The following RAD18 variants were observed in gnomAD, a reference collection of about 807,000 sequenced individuals.
RAD18 encodes the protein E3 ubiquitin-protein ligase RAD18.
RAD18 carries 47 observed loss-of-function variants against 60.4 expected under a neutral mutation model. That is an observed-to-expected ratio of 0.78 (90% confidence interval 0.62 to 0.99). RAD18 has a LOEUF of 0.99. RAD18 is among the 50% of genes least tolerant of loss of function. The pLI is 0.00. For missense variants in RAD18, 640 were observed against 593.3 expected, an observed-to-expected ratio of 1.08 and a Z score of -0.82; for synonymous variants, 225 against 195.5, an observed-to-expected ratio of 1.15 and a Z score of -1.26.
chr3:8,905,529 G>C (rs1190883525), intron 9 of RAD18, among the ~76,000 whole-genome samples: 4 of 152,174 alleles, frequency 2.6e-5, no homozygotes, highest in African/African-American at 4.8e-5. Flanking sequence ...AATGAGTTTG[G>C]AGTCAGTGTT....
chr3:8,912,499 T>G, intron 8 of RAD18, 127 bp from the exon 9 acceptor site: 1 of 613,208 alleles, frequency 1.6e-6, no homozygotes, highest in Non-Finnish European at 2.7e-6. Flanking sequence ...ATCTGTTTTA[T>G]ATAGACCTAG....
intron 7 of RAD18, 22 bp downstream of exon 7, chr3:8,935,849 A>G: frequency 6.6e-7 from 1 of 1,516,844 alleles, no homozygotes; most frequent in African/African-American, 1.4e-5. Context: ...AGTAAGCATA[A>G]CTCACTGTTT....
At chr3:8,921,755 C>T (rs748312482) in intron 7 of RAD18, among the ~76,000 whole-genome samples, 3 of 151,972 alleles carry the variant, frequency 2.0e-5, no homozygotes, top group Non-Finnish European at 2.9e-5. Context: ...ACCAGATGAA[C>T]ACCCAGATCT....
chr3:8,956,654 G>A (rs544817192), intron 2 of RAD18, among the ~76,000 whole-genome samples: 15 of 150,406 alleles, frequency 1.0e-4, no homozygotes, highest in African/African-American at 3.5e-4. Context: ...CAAAAACAAC[G>A]TTATTAGCTA....
chr3:8,924,291 C>A (rs75608485), intron 7 of RAD18, among the ~76,000 whole-genome samples: 120,725 of 144,986 alleles, frequency 0.83, 50,542 homozygotes, highest in South Asian at 0.9. Context: ...ACTTTAAACC[C>A]ACAAAGATCA....
intron 7 of RAD18, among the ~76,000 whole-genome samples, chr3:8,923,314 G>A (rs138031129): frequency 0.029 from 4,470 of 152,338 alleles, 91 homozygotes; most frequent in South Asian, 0.066. Flanking sequence ...AAGGGTATCA[G>A]TGATGGAAGA....
At chr3:8,883,002 T>C (rs1217743968) in intron 12 of RAD18, among the ~76,000 whole-genome samples, 1 of 152,188 alleles carries the variant, frequency 6.6e-6, no homozygotes, top group African/African-American at 2.4e-5. Flanking sequence ...ATTCCTTCAA[T>C]AGGCTTTAAG....
At chr3:8,903,985 G>C (rs1224897432) in intron 9 of RAD18, among the ~76,000 whole-genome samples, 14 of 152,160 alleles carry the variant, frequency 9.2e-5, no homozygotes, top group Non-Finnish European at 7.4e-5. Flanking sequence ...GCCATTCACT[G>C]CCTTTGAGCT....
At chr3:8,958,835 A>C in intron 2 of RAD18, 85 bp downstream of exon 2, 3 of 1,012,336 alleles carry the variant, frequency 3.0e-6, no homozygotes, top group African/African-American at 1.6e-5. Context: ...AAACATAAAT[A>C]TGTGCACATA....
chr3:8,920,881 G>A (rs6805465), intron 7 of RAD18, among the ~76,000 whole-genome samples: 11,795 of 152,114 alleles, frequency 0.078, 1,454 homozygotes, highest in African/African-American at 0.27. Flanking sequence ...ATCATGTACT[G>A]CAGGAAAAAA....
At chr3:8,918,272 G>A (rs1393490426) in intron 7 of RAD18, among the ~76,000 whole-genome samples, 1 of 140,920 alleles carries the variant, frequency 7.1e-6, no homozygotes, top group Non-Finnish European at 1.5e-5. Context: ...GAGCTGAGAT[G>A]GTGCCATTGC....
Position 8,881,557 on chromosome 3 carries a change from A to G in RAD18, c.1386-98T>C, listed in dbSNP as rs1360046390. 4.4e-6 allele frequency: 4 copies of G among 901,470 alleles called. No individual in the cohort carries two copies. The East Asian group carries it at 7.6e-5, about 17-fold the overall frequency. 55.8% of individuals were successfully genotyped at this position (901,470 alleles called of 1,614,324 possible). A position where few individuals can be genotyped will look rare whatever the true frequency, so the allele number is the denominator to read the frequency against. On this transcript the variant is annotated intron_variant, in intron 12 of 12. Coordinates refer to ENST00000264926, the MANE Select transcript of RAD18 (RefSeq NM_020165.4). ...TTTTCACACATATTATTTCATTAAA[A>G]CCTCGAAATAATCCTCTATTCTGTT...
At chr3:8,942,872 C>T (rs955931683) in intron 4 of RAD18, among the ~76,000 whole-genome samples, 1 of 152,150 alleles carries the variant, frequency 6.6e-6, no homozygotes, top group African/African-American at 2.4e-5. Flanking sequence ...GAAGCTGATA[C>T]TGGTAAATTA....
intron 7 of RAD18, among the ~76,000 whole-genome samples, chr3:8,931,034 A>C (rs1258424405): frequency 2.6e-5 from 4 of 152,218 alleles, no homozygotes; most frequent in African/African-American, 9.6e-5. Flanking sequence ...AAGGGTAGAA[A>C]GATAAATAAA....
chr3:8,898,719 C>G (rs938529193), intron 11 of RAD18, among the ~76,000 whole-genome samples, 175 bp downstream of exon 11: 2 of 152,144 alleles, frequency 1.3e-5, no homozygotes, highest in Admixed American at 6.5e-5. Flanking sequence ...CACTACCTTC[C>G]CAAATCCTGC....
At chr3:8,962,760 G>C (rs563873251) in intron 1 of RAD18, among the ~76,000 whole-genome samples, 2 of 152,204 alleles carry the variant, frequency 1.3e-5, no homozygotes, top group African/African-American at 4.8e-5. Context: ...CAAGATCAGC[G>C]CTGAGCCTGA....
chr3:8,912,501 T>C (rs999553377), intron 8 of RAD18, 129 bp from the exon 9 acceptor site: 6 of 607,372 alleles, frequency 9.9e-6, no homozygotes, highest in Non-Finnish European at 1.4e-5. Flanking sequence ...CTGTTTTATA[T>C]AGACCTAGGA....
intron 7 of RAD18, among the ~76,000 whole-genome samples, chr3:8,929,242 T>C (rs1030206063): frequency 4.0e-5 from 6 of 151,712 alleles, no homozygotes; most frequent in Non-Finnish European, 5.9e-5. Flanking sequence ...TGGAATTCAA[T>C]GAAATAGGAA....
rs1184242677 is a variant in RAD18, at chr3:8,878,688, C to A, written c.*2669G>T. The A allele has an allele frequency of 6.6e-6, 1 of 152,142 alleles. No individual in the cohort carries two copies. The highest frequency in any genetic ancestry group is 1.5e-5 in the Non-Finnish European group (1 of 68,028). The allele number at this position is 152,142 out of a possible 1,614,324, so 9.4% of individuals were successfully genotyped here. A position where few individuals can be genotyped will look rare whatever the true frequency, so the allele number is the denominator to read the frequency against. ...TTTCAACTAGACCAGTAATCCTCAA[C>A]ATGAGGTCGAAAAAGAAAGACGAGA... On this transcript the variant is annotated 3_prime_UTR_variant, in exon 13 of 13. Transcript: ENST00000264926.
Sources: allele counts gnomAD v4.1 joint callset (sites outside exome capture counted in the v4.1 genomes callset), GRCh38; gene constraint gnomAD v4.1.1; transcripts MANE v1.5; gene names NCBI Gene and HGNC (gene_info 2026-07-23, HGNC 2026-07-21).